Variants in NRXN1 observed in about 807,000 individuals in gnomAD.
NRXN1 encodes neurexin-1.
Under a neutral mutation model 150.9 loss-of-function variants are expected in NRXN1, and 39 were observed. The observed-to-expected ratio is 0.26, with a 90% CI of 0.20 to 0.34. NRXN1 has a LOEUF of 0.34. Among genes scored for constraint, NRXN1 ranks in the 10% least tolerant of loss-of-function variants. NRXN1 has a pLI of 1.00. For missense variants in NRXN1, 1,815 were observed against 1,949.9 expected (o/e 0.93, Z 1.30); for synonymous variants, 924 against 757.0 (o/e 1.22, Z -3.62).
At position 50,533,979 on chromosome 2, in the gene NRXN1, A is replaced by AT. The variant is rs572730797; in HGVS notation, c.2144-2550dup. ...GTATTATCTGTATATGCCCTTTAGA[A>AT]TACAAGTACCTTGAGGGCAGAGATC... On this transcript the variant is annotated intron_variant, in intron 10 of 22. Transcript: ENST00000401669. 8.0e-4 allele frequency among the ~76,000 whole-genome samples: 122 copies of AT among 152,184 alleles called. No homozygotes were observed. In the Middle Eastern group the frequency reaches 0.014, roughly 17 times the overall value.
chr2:50,912,354 A>C (rs1684639974), intron 5 of NRXN1: 2 of 151,996 alleles, frequency 1.3e-5, no homozygotes, highest in Admixed American at 1.3e-4. Context: ...AATTTAGGGA[A>C]GCTCTATACA....
At position 51,027,986 on chromosome 2, in the gene NRXN1, G is replaced by A. The variant is rs1670858266; in HGVS notation, c.288C>T (p.Phe96=). Residue 96 remains phenylalanine, a synonymous_variant, in exon 2 of 23, where the codon TTC becomes TTT. Transcript: ENST00000401669. The part of the protein sequence containing the change: ...GGRLQLSFSI[F]CAEPATLLAD... ...CCAGGAGCGTCGCAGGCTCAGCGCA[G>A]AAGATGGAGAAGCTGAGCTGCAGGC... 6.2e-7 allele frequency: 1 copy of A among 1,601,136 alleles called. No individual in the cohort carries two copies. The highest frequency in any genetic ancestry group is 1.3e-5 in the African/African-American group (1 of 75,004).
intron 5 of NRXN1, among the ~76,000 whole-genome samples, chr2:50,658,409 C>CCGG (rs1686802940): frequency 4.7e-5 from 1 of 21,492 alleles, no homozygotes; most frequent in Non-Finnish European, 7.7e-5. Flanking sequence ...AATGCATTCA[C>CCGG]TGGTGTGTGT....
chr2:50,429,859 T>C (rs965616818), intron 17 of NRXN1, among the ~76,000 whole-genome samples: 1 of 152,160 alleles, frequency 6.6e-6, no homozygotes, highest in African/African-American at 2.4e-5. Flanking sequence ...GATGAAGGGC[T>C]ATAGAACTAA....
At chr2:50,112,599 T>C (rs1282791859) in intron 18 of NRXN1, among the ~76,000 whole-genome samples, 1 of 152,170 alleles carries the variant, frequency 6.6e-6, no homozygotes, top group African/African-American at 2.4e-5. Context: ...TGTGAACTTT[T>C]AGATGGAGAT....
At chr2:50,490,622 G>C (rs984293106) in intron 15 of NRXN1, among the ~76,000 whole-genome samples, 1 of 152,210 alleles carries the variant, frequency 6.6e-6, no homozygotes, top group African/African-American at 2.4e-5. Context: ...TAAGCCACGA[G>C]ACAGAAGAAG....
intron 5 of NRXN1, among the ~76,000 whole-genome samples, chr2:50,867,038 C>T (rs1459330997): frequency 2.6e-5 from 4 of 151,848 alleles, no homozygotes; most frequent in African/African-American, 9.7e-5. Flanking sequence ...CATTTCAGTG[C>T]TAAAAGTTAC....
chr2:50,535,970 T>TA lies in NRXN1; in HGVS notation c.2143+2282_2143+2283insT, dbSNP rs2093248360. On this transcript the variant is annotated intron_variant, in intron 10 of 22. Transcript: ENST00000401669. ...AAAAGTTCTCTTAAAAAAAGAAACT[T>TA]CAAGAGTTGTCAACTCTTATTTGAT... 3.3e-5 allele frequency among the ~76,000 whole-genome samples: 5 copies of TA among 152,286 alleles called. No individual in the cohort carries two copies. The South Asian group carries it at 1.0e-3, about 32-fold the overall frequency.
intron 5 of NRXN1, among the ~76,000 whole-genome samples, chr2:50,719,867 C>A (rs1273237187): frequency 6.6e-6 from 1 of 152,130 alleles, no homozygotes; most frequent in Non-Finnish European, 1.5e-5. Context: ...TATTTCAAGA[C>A]CCTGTTCATT....
intron 21 of NRXN1, among the ~76,000 whole-genome samples, chr2:49,995,760 G>A (rs111335316): frequency 0.48 from 59,762 of 124,236 alleles, 14,507 homozygotes; most frequent in Middle Eastern, 0.65. Flanking sequence ...CAGCCTGAGC[G>A]ACAGAGCGAG....
rs1668252015 is a variant in NRXN1, at chr2:49,921,816, T to G, written c.*128A>C. The G allele has an allele frequency of 2.1e-6, 2 of 943,452 alleles. No individual in the cohort carries two copies. The highest frequency in any genetic ancestry group is 5.3e-5 in the East Asian group (2 of 38,042). 58.4% of individuals were successfully genotyped at this position (943,452 alleles called of 1,614,324 possible). ...TTGTTTTTATTTTTTAAAAAGTCTT[T>G]CCTTCCTGATTGCATTCCCTGTCTT... On this transcript the variant is annotated 3_prime_UTR_variant, in exon 23 of 23. Coordinates refer to ENST00000401669, the MANE Select transcript of NRXN1 (RefSeq NM_001330078.2).
chr2:50,513,248 C>T (rs1238997288), intron 12 of NRXN1, among the ~76,000 whole-genome samples: 1 of 152,124 alleles, frequency 6.6e-6, no homozygotes, highest in East Asian at 1.9e-4. Context: ...AGTAACAGTG[C>T]ATGAGTTCTG....
chr2:50,412,596 A>G (rs1438853181), intron 17 of NRXN1, among the ~76,000 whole-genome samples: 1 of 152,000 alleles, frequency 6.6e-6, no homozygotes, highest in Admixed American at 6.6e-5. Flanking sequence ...TTTTAGATAC[A>G]TGTCATAAAA....
At chr2:50,293,900 T>C (rs553270247) in intron 17 of NRXN1, among the ~76,000 whole-genome samples, 1 of 152,326 alleles carries the variant, frequency 6.6e-6, no homozygotes, top group East Asian at 1.9e-4. Flanking sequence ...CTCACATTCC[T>C]ATTTTTCACA....
intron 5 of NRXN1, among the ~76,000 whole-genome samples, chr2:50,880,260 C>T (rs1254036648): frequency 6.6e-6 from 1 of 151,908 alleles, no homozygotes; most frequent in Non-Finnish European, 1.5e-5. Context: ...AAATGTAGCT[C>T]CACTCACCCA....
At chr2:49,978,867 T>C (rs1321498747) in intron 21 of NRXN1, among the ~76,000 whole-genome samples, 5 of 152,202 alleles carry the variant, frequency 3.3e-5, no homozygotes, top group African/African-American at 7.2e-5. Context: ...TGGATTTTAA[T>C]GTAGAGAGGT....
At chr2:50,547,408 C>T (rs1418504642) in intron 9 of NRXN1, 1 of 151,962 alleles carries the variant, frequency 6.6e-6, no homozygotes. Context: ...ATATTTGTGC[C>T]CCAAGAAAAC....
intron 21 of NRXN1, among the ~76,000 whole-genome samples, chr2:49,946,426 T>G (rs1299962762): frequency 6.6e-6 from 1 of 152,170 alleles, no homozygotes; most frequent in Non-Finnish European, 1.5e-5. Flanking sequence ...TTGCCACTGC[T>G]TTTTGTGTTT....
intron 17 of NRXN1, among the ~76,000 whole-genome samples, chr2:50,398,977 G>T (rs972762614): frequency 1.3e-5 from 2 of 152,116 alleles, no homozygotes; most frequent in African/African-American, 4.8e-5. Flanking sequence ...CCACTCAGTT[G>T]GAATAAATTA....
Sources: gnomAD v4.1 joint callset for allele counts (sites outside exome capture counted in the v4.1 genomes callset) on GRCh38, gnomAD v4.1.1 for gene constraint, MANE v1.5 for transcripts, NCBI Gene and HGNC (gene_info 2026-07-23, HGNC 2026-07-21) for gene names.